The following FGFR2 variants were observed in gnomAD, a reference collection of about 807,000 sequenced individuals.
The protein encoded by FGFR2 is BEK fibroblast growth factor receptor.
In FGFR2, 19 loss-of-function variants were observed where a neutral mutation model predicts 95.9. The observed-to-expected ratio is 0.20, with a 90% confidence interval of 0.14 to 0.29. The LOEUF is 0.29. Ranked by LOEUF, FGFR2 falls within the 10% of genes least tolerant of loss-of-function variation. The pLI, the probability that FGFR2 is intolerant of heterozygous loss-of-function variation, is 1.00. For missense variants in FGFR2, 707 were observed against 1,056.9 expected (o/e 0.67, Z 4.59); for synonymous variants, 392 against 393.3 (o/e 1.00, Z 0.04).
chr10:121,484,717 G>T (rs1245741037), intron 16 of FGFR2, among the ~76,000 whole-genome samples: 1 of 152,208 alleles, frequency 6.6e-6, no homozygotes, highest in Non-Finnish European at 1.5e-5. Flanking sequence ...AAAGTGTGAG[G>T]CAGGTTTTGC....
intron 2 of FGFR2, among the ~76,000 whole-genome samples, chr10:121,569,840 T>C (rs1011283336): frequency 2.0e-5 from 3 of 152,224 alleles, no homozygotes; most frequent in East Asian, 1.9e-4. Context: ...AGGGCCCATT[T>C]TGGGGATCAG....
intron 17 of FGFR2, chr10:121,481,840 ATTTTTTT>A (rs1206908851): frequency 5.9e-6 from 1 of 170,890 alleles, no homozygotes; most frequent in Non-Finnish European, 1.1e-5. Flanking sequence ...TTTTATTTTT[ATTTTTTT>A]TTTTTTTGAG....
chr10:121,503,079 T>C (rs1016700808), intron 10 of FGFR2, among the ~76,000 whole-genome samples: 3 of 152,196 alleles, frequency 2.0e-5, no homozygotes, highest in African/African-American at 7.2e-5. Flanking sequence ...AGAATGAATT[T>C]CAGAGAATCA....
chr10:121,537,017 G>A (rs911247059), intron 6 of FGFR2, among the ~76,000 whole-genome samples: 1 of 152,206 alleles, frequency 6.6e-6, no homozygotes, highest in African/African-American at 2.4e-5. Context: ...TGGATTTACA[G>A]TGTATCAATG....
chr10:121,540,424 A>T lies in FGFR2; in HGVS notation c.625-1709T>A, dbSNP rs1299141188. Among the ~76,000 whole-genome samples, 4 of 152,304 alleles carry T rather than the reference A, an allele frequency of 2.6e-5. No individual in the cohort carries two copies. In the East Asian group the frequency reaches 7.7e-4, roughly 29 times the overall value. On this transcript the variant is annotated intron_variant, in intron 5 of 17. Coordinates refer to ENST00000358487, the MANE Select transcript of FGFR2 (RefSeq NM_000141.5). ...CCCTTAAGAGAGATAAGCACCTTCC[A>T]TGCAGAATGTGTCTTCTGAAGGAGG...
At chr10:121,496,007 G>A (rs1451324727) in intron 13 of FGFR2, among the ~76,000 whole-genome samples, 1 of 152,206 alleles carries the variant, frequency 6.6e-6, no homozygotes, top group Admixed American at 6.5e-5. Flanking sequence ...TCTAACCACA[G>A]AGGGTCACCC....
intron 4 of FGFR2, among the ~76,000 whole-genome samples, chr10:121,562,092 T>C (rs1413451216): frequency 6.6e-6 from 1 of 152,154 alleles, no homozygotes; most frequent in Non-Finnish European, 1.5e-5. Context: ...GAATACAAAA[T>C]GGTGCAGCCA....
rs1048422798 is a variant in FGFR2 at position 121,531,906 on chromosome 10, C to T, written c.748+6686G>A. Among the ~76,000 whole-genome samples, 12 of 152,192 alleles carry T rather than the reference C, an allele frequency of 7.9e-5. No individual in the cohort carries two copies. Among genetic ancestry groups the T allele is most frequent in the African/African-American group, 2.9e-4 (12 of 41,450 alleles). On this transcript the variant is annotated intron_variant, in intron 6 of 17. Transcript: ENST00000358487. This position sits in a 1 kb window ranked among gnomAD's most constrained non-coding sequence, Gnocchi z 4.5. ...AAGCGGCAAAAGGAAGGTGCTTCCT[C>T]CTCAACTCCGCTCCGGTTCCGTGAT...
chr10:121,527,647 A>T (rs1182209803), intron 6 of FGFR2: 1 of 152,134 alleles, frequency 6.6e-6, no homozygotes. Context: ...AGTGAACAAG[A>T]TCAATTTCTA....
chr10:121,510,304 A>G (rs1848887971), intron 9 of FGFR2, among the ~76,000 whole-genome samples: 2 of 152,156 alleles, frequency 1.3e-5, no homozygotes, highest in Non-Finnish European at 2.9e-5. Context: ...GAGAGATCGC[A>G]TCAGCCAAGG....
At chr10:121,579,279 G>A (rs1030766318) in intron 2 of FGFR2, among the ~76,000 whole-genome samples, 6 of 152,192 alleles carry the variant, frequency 3.9e-5, no homozygotes, top group Admixed American at 1.3e-4. Context: ...CGGGCGGTTG[G>A]AGGTAGTGGG....
At chr10:121,490,241 G>T (rs994070784) in intron 13 of FGFR2, among the ~76,000 whole-genome samples, 2 of 132,850 alleles carry the variant, frequency 1.5e-5, no homozygotes, top group Non-Finnish European at 3.1e-5. Context: ...TTGGCTCAAT[G>T]CAACCTCTGC....
intron 5 of FGFR2, among the ~76,000 whole-genome samples, chr10:121,546,915 G>C (rs1451366884): frequency 6.6e-6 from 1 of 152,168 alleles, no homozygotes; most frequent in Non-Finnish European, 1.5e-5. Flanking sequence ...TTGACATTTT[G>C]CTTCTTCATT....
chr10:121,526,707 G>A, intron 6 of FGFR2: 1 of 398,626 alleles, frequency 2.5e-6, no homozygotes, highest in Non-Finnish European at 4.4e-6. Context: ...AGTGGGCTGG[G>A]ATGCTGGGCA....
intron 4 of FGFR2, among the ~76,000 whole-genome samples, chr10:121,556,535 A>T (rs1386125682): frequency 6.6e-6 from 1 of 152,046 alleles, no homozygotes; most frequent in Non-Finnish European, 1.5e-5. Flanking sequence ...CATCTGGCCC[A>T]ACGACTGATG....
At chr10:121,597,524 C>T (rs1309886743) in intron 1 of FGFR2, among the ~76,000 whole-genome samples, 1 of 152,224 alleles carries the variant, frequency 6.6e-6, no homozygotes, top group Non-Finnish European at 1.5e-5. Flanking sequence ...AAGGGGTCTC[C>T]GCAGGGCCTG....
chr10:121,565,809 G>A (rs1376806215), intron 2 of FGFR2, 105 bp from the exon 3 acceptor site: 1 of 1,411,588 alleles, frequency 7.1e-7, no homozygotes, highest in Non-Finnish European at 9.9e-7. Context: ...AGGAGAAGCT[G>A]TTCTTGCTCT....
rs1862573156 is a variant in FGFR2 at position 121,591,014 on chromosome 10, C to CT, written c.109+2694dup. 3.6e-5 allele frequency among the ~76,000 whole-genome samples: 4 copies of CT among 111,494 alleles called. No individual in the cohort carries two copies. In the South Asian group the frequency reaches 9.3e-4, roughly 26 times the overall value. 73.1% of individuals were successfully genotyped at this position (111,494 alleles called of 152,430 possible). A position where few individuals can be genotyped will look rare whatever the true frequency, so the allele number is the denominator to read the frequency against. On this transcript the variant is annotated intron_variant, in intron 2 of 17. Transcript: ENST00000358487. ...GCACACACACACACACACGCACACTCTCTCTCTCTCTCTCTCTCTTCCAAT... is the reference window on the plus strand; with the variant it reads ...GCACACACACACACACACGCACACTCTTCTCTCTCTCTCTCTCTCTTCCAAT...
At chr10:121,499,106 G>A (rs1219426259) in intron 11 of FGFR2, among the ~76,000 whole-genome samples, 1 of 152,168 alleles carries the variant, frequency 6.6e-6, no homozygotes, top group Non-Finnish European at 1.5e-5. Flanking sequence ...GTGTGTGCAT[G>A]TGCATTCTGA....
Sources: allele counts gnomAD v4.1 joint callset (sites outside exome capture counted in the v4.1 genomes callset), GRCh38; gene constraint gnomAD v4.1.1; non-coding constraint Gnocchi (gnomAD v3.1); transcripts MANE v1.5; gene names NCBI Gene and HGNC (gene_info 2026-07-23, HGNC 2026-07-21).